VPS13B: variants seen among roughly 807,000 people sequenced by gnomAD.
The protein encoded by VPS13B is intermembrane lipid transfer protein VPS13B.
In VPS13B, 285 loss-of-function variants were observed where a neutral mutation model predicts 426.4. The observed-to-expected ratio is 0.67, with a 90% CI of 0.61 to 0.74. The LOEUF (loss-of-function observed/expected upper bound fraction) is 0.74. VPS13B is among the 30% of genes least tolerant of loss of function. VPS13B has a pLI of 0.00. For synonymous variants in VPS13B, 1,676 were observed against 1,676.4 expected, an observed-to-expected ratio of 1.00 and a Z score of 0.01; for missense variants, 4,537 against 4,782.6, an observed-to-expected ratio of 0.95 and a Z score of 1.51.
intron 5 of VPS13B, among the ~76,000 whole-genome samples, chr8:99,107,151 C>T (rs928868100): frequency 6.6e-6 from 1 of 151,890 alleles, no homozygotes; most frequent in African/African-American, 2.4e-5. Flanking sequence ...AAGTAATGCA[C>T]GAGGCTGTAT....
intron 17 of VPS13B, chr8:99,233,060 G>T (rs779101479): frequency 2.3e-6 from 3 of 1,279,968 alleles, no homozygotes; most frequent in Non-Finnish European, 3.4e-6. Context: ...CACTTGCTGC[G>T]CTGTGAGGCG....
intron 3 of VPS13B, among the ~76,000 whole-genome samples, chr8:99,044,084 C>T (rs369033289): frequency 1.7e-3 from 164 of 98,780 alleles, no homozygotes; most frequent in South Asian, 3.1e-3. Context: ...TTCTTTCTTT[C>T]TTTTTTTTTT....
intron 25 of VPS13B, among the ~76,000 whole-genome samples, chr8:99,498,048 T>G (rs1236869468): frequency 1.3e-5 from 2 of 152,102 alleles, no homozygotes; most frequent in African/African-American, 4.8e-5. Flanking sequence ...CAACACAATA[T>G]TTTGTGTATG....
intron 31 of VPS13B, among the ~76,000 whole-genome samples, chr8:99,560,823 G>T (rs1284692031): frequency 1.3e-5 from 2 of 152,156 alleles, no homozygotes; most frequent in Admixed American, 1.3e-4. Flanking sequence ...TCTTTACACA[G>T]TTTTCAGATT....
intron 2 of VPS13B, among the ~76,000 whole-genome samples, chr8:99,018,688 G>A (rs1023343087): frequency 6.6e-6 from 1 of 152,046 alleles, no homozygotes. Flanking sequence ...TAATTTCAGT[G>A]GGAAAGTATT....
At chr8:99,843,671 C>T (rs115516857) in intron 54 of VPS13B, among the ~76,000 whole-genome samples, 1,712 of 152,340 alleles carry the variant, frequency 0.011, 37 homozygotes, top group African/African-American at 0.039. Flanking sequence ...ATTGTGGGGT[C>T]TATACCCTGG....
intron 19 of VPS13B, among the ~76,000 whole-genome samples, chr8:99,344,170 T>C (rs1344894868): frequency 2.0e-5 from 3 of 152,220 alleles, no homozygotes; most frequent in African/African-American, 7.2e-5. Context: ...TTATAGTCAA[T>C]TGATTTTCAA....
intron 22 of VPS13B, among the ~76,000 whole-genome samples, chr8:99,434,300 AGAGT>A (rs1019270356): frequency 2.0e-5 from 3 of 152,214 alleles, no homozygotes; most frequent in Non-Finnish European, 4.4e-5. Flanking sequence ...GTGAGCAACT[AGAGT>A]GAGTTTGGAA....
chr8:99,265,910 G>T (rs1453047968), intron 17 of VPS13B, among the ~76,000 whole-genome samples: 1 of 152,120 alleles, frequency 6.6e-6, no homozygotes, highest in African/African-American at 2.4e-5. Context: ...TTTGAGAGCG[G>T]CCTATTTGGC....
At chr8:99,544,999 C>G (rs1487407109) in intron 30 of VPS13B, among the ~76,000 whole-genome samples, 2 of 152,112 alleles carry the variant, frequency 1.3e-5, no homozygotes, top group Non-Finnish European at 2.9e-5. Context: ...AACCACTACA[C>G]CATAATTCTG....
chr8:99,870,904 A>C lies in VPS13B; in HGVS notation c.11495+17A>C. ...ATATGTCTGGTAAAATTATTGAGAT[A>C]CGTGCTCAACTTTACATCCATATTG... On this transcript the variant is annotated intron_variant, in intron 60 of 61. Transcript: ENST00000357162. 1 of 1,609,518 alleles carries C rather than the reference A, an allele frequency of 6.2e-7. No individual in the cohort carries two copies. The highest frequency in any genetic ancestry group is 8.5e-7 in the Non-Finnish European group (1 of 1,175,830).
chr8:99,736,398 C>A (rs557723984), intron 39 of VPS13B, among the ~76,000 whole-genome samples: 1 of 152,022 alleles, frequency 6.6e-6, no homozygotes, highest in Non-Finnish European at 1.5e-5. Flanking sequence ...CATGGTGAAA[C>A]CCCGTCTCTA....
At chr8:99,193,679 T>C (rs1478671166) in intron 17 of VPS13B, among the ~76,000 whole-genome samples, 1 of 152,158 alleles carries the variant, frequency 6.6e-6, no homozygotes, top group Non-Finnish European at 1.5e-5. Flanking sequence ...ATAATTTAAG[T>C]GTAATTATGC....
chr8:99,179,936 G>T (rs552562784), intron 16 of VPS13B, among the ~76,000 whole-genome samples: 1 of 151,836 alleles, frequency 6.6e-6, no homozygotes, highest in Non-Finnish European at 1.5e-5. Flanking sequence ...ACTTACTCTT[G>T]GCCAAAGTGA....
chr8:99,580,029 A>G (rs1825975214), intron 33 of VPS13B, among the ~76,000 whole-genome samples: 1 of 152,064 alleles, frequency 6.6e-6, no homozygotes. Context: ...TTTTGAGAAC[A>G]AAAGAAAAAT....
intron 33 of VPS13B, among the ~76,000 whole-genome samples, chr8:99,621,820 C>CTTTTT (rs749078781): frequency 7.3e-4 from 61 of 83,228 alleles, no homozygotes; most frequent in Non-Finnish European, 9.9e-4. Context: ...TGTTTTGTTT[C>CTTTTT]TTTTTTTTTT....
intron 33 of VPS13B, among the ~76,000 whole-genome samples, chr8:99,626,423 C>G (rs1418037059): frequency 2.6e-5 from 4 of 152,090 alleles, no homozygotes; most frequent in Non-Finnish European, 4.4e-5. Context: ...TTCTGGTTAC[C>G]TCAGGGTCAC....
At chr8:99,716,746 A>G (rs1325080227) in intron 36 of VPS13B, among the ~76,000 whole-genome samples, 1 of 152,190 alleles carries the variant, frequency 6.6e-6, no homozygotes, top group African/African-American at 2.4e-5. Context: ...TGGGCCAGTA[A>G]AAAACTTGAG....
At position 99,511,257 on chromosome 8, in the gene VPS13B, TCTC is replaced by T; in HGVS notation, c.4382_4384del (p.Pro1461del). 6.2e-7 allele frequency: 1 copy of T among 1,614,124 alleles called. No individual in the cohort carries two copies. Among genetic ancestry groups the T allele is most frequent in the East Asian group, 2.2e-5 (1 of 44,858 alleles). On this transcript the variant is annotated inframe_deletion, in exon 29 of 62. Transcript: ENST00000357162. ...GTTATCTGAAGGCCTAATGGATGGT[TCTC>T]CTCATTTTCTTCATGAAATTCTTCT... is the stretch of plus-strand genomic sequence containing the variant.
Sources: allele counts gnomAD v4.1 joint callset (sites outside exome capture counted in the v4.1 genomes callset), GRCh38; gene constraint gnomAD v4.1.1; transcripts MANE v1.5; gene names NCBI Gene and HGNC (gene_info 2026-07-23, HGNC 2026-07-21).